Variants in AGAP1 observed in about 807,000 individuals in gnomAD.
The protein encoded by AGAP1 is arf-GAP with GTPase, ANK repeat and PH domain-containing protein 1.
AGAP1 carries 29 observed loss-of-function variants against 105.3 expected under a neutral mutation model. The observed-to-expected ratio is 0.28, with a 90% CI of 0.21 to 0.38. The LOEUF is 0.38. Ranked by LOEUF, AGAP1 falls within the 10% of genes least tolerant of loss-of-function variation. The pLI, the probability that AGAP1 is intolerant of heterozygous loss-of-function variation, is 1.00. For synonymous variants in AGAP1, 509 were observed against 485.9 expected, an observed-to-expected ratio of 1.05 and a Z score of -0.63; for missense variants, 998 against 1,165.1, an observed-to-expected ratio of 0.86 and a Z score of 2.09.
chr2:235,639,136 T>G lies in AGAP1; in HGVS notation c.164-70043T>G, dbSNP rs113999683. Among the ~76,000 whole-genome samples the G allele has an allele frequency of 9.3e-4, 141 of 151,954 alleles. No homozygotes were observed. The highest frequency in any genetic ancestry group is 3.3e-3 in the African/African-American group (138 of 41,432). On this transcript the variant is annotated intron_variant, in intron 1 of 17. Transcript: ENST00000304032. The surrounding 1 kb of genome is among the most constrained non-coding windows in gnomAD (Gnocchi z 5.3). ...AATTTGGTCAAGGCAGGAATGAGGG[T>G]GGATGTGGGGCATGGGGAATTGGAC...
Position 236,012,272 on chromosome 2 carries a change from G to A in AGAP1, c.1646-24289G>A, listed in dbSNP as rs1214219622. Among the ~76,000 whole-genome samples, 2 of 151,882 alleles carry A rather than the reference G, an allele frequency of 1.3e-5. No individual in the cohort carries two copies. Among genetic ancestry groups the A allele is most frequent in the Non-Finnish European group, 2.9e-5 (2 of 67,958 alleles). ...GCGAGGAAAGAGGCTTTCTGCACTC[G>A]GGCACCCCTCCCCTCCCGAGGGGTG... On this transcript the variant is annotated intron_variant, in intron 13 of 17. Transcript: ENST00000304032. This position sits in a 1 kb window ranked among gnomAD's most constrained non-coding sequence, Gnocchi z 4.9.
At chr2:236,065,660 G>A (rs767089960) in intron 16 of AGAP1, among the ~76,000 whole-genome samples, 2 of 152,218 alleles carry the variant, frequency 1.3e-5, no homozygotes, top group African/African-American at 2.4e-5. Context: ...TAAGGCAAGC[G>A]AGTGGGGTCC....
At chr2:236,031,280 A>G (rs578042404) in intron 13 of AGAP1, among the ~76,000 whole-genome samples, 16 of 152,344 alleles carry the variant, frequency 1.1e-4, no homozygotes, top group African/African-American at 3.1e-4. Context: ...TAAAGGCCAC[A>G]TGCAGAGGAA....
At chr2:235,718,805 G>T (rs1327434452) in intron 3 of AGAP1, among the ~76,000 whole-genome samples, 1 of 152,140 alleles carries the variant, frequency 6.6e-6, no homozygotes, top group Non-Finnish European at 1.5e-5. Flanking sequence ...TTGTATGTAG[G>T]GGTCAATAGG....
At chr2:235,526,509 T>C (rs1942844791) in intron 1 of AGAP1, among the ~76,000 whole-genome samples, 1 of 152,248 alleles carries the variant, frequency 6.6e-6, no homozygotes, top group South Asian at 2.1e-4. Flanking sequence ...AGGAAAATCA[T>C]TTGAAATTAT....
intron 9 of AGAP1, among the ~76,000 whole-genome samples, chr2:235,862,390 G>A (rs796948823): frequency 9.2e-5 from 14 of 152,338 alleles, no homozygotes; most frequent in African/African-American, 2.9e-4. Flanking sequence ...GGAAATATTT[G>A]TGCTGCTCGT....
chr2:235,791,747 CA>C (rs1956990542), intron 6 of AGAP1, among the ~76,000 whole-genome samples: 1 of 152,068 alleles, frequency 6.6e-6, no homozygotes, highest in Non-Finnish European at 1.5e-5. Context: ...AAGGTTTCAC[CA>C]TGTTGACCAG....
chr2:235,503,805 G>A (rs1162753350), intron 1 of AGAP1, among the ~76,000 whole-genome samples: 3 of 152,138 alleles, frequency 2.0e-5, no homozygotes, highest in African/African-American at 7.2e-5. Flanking sequence ...CATGTTGCCT[G>A]GGCTGGTCTT....
chr2:236,054,497 AAAG>A (rs2057997556), intron 16 of AGAP1, among the ~76,000 whole-genome samples: 2 of 151,576 alleles, frequency 1.3e-5, no homozygotes, highest in African/African-American at 2.4e-5. Context: ...AAAAAAAAAA[AAAG>A]GGAGGGGGAG....
chr2:235,883,471 C>G lies in AGAP1; in HGVS notation c.1155+22C>G. The G allele has an allele frequency of 6.3e-7, 1 of 1,587,632 alleles. No individual in the cohort carries two copies. The highest frequency in any genetic ancestry group is 8.6e-7 in the Non-Finnish European group (1 of 1,157,084). The stretch of plus-strand genomic sequence containing the variant: ...ACATGTGAGTATAGCCCCCTCGGAG[C>G]AATTAACAGCTGCAGACCTCAACTA... On this transcript the variant is annotated intron_variant, in intron 10 of 17. Transcript: ENST00000304032. The surrounding 1 kb of genome is among the most constrained non-coding windows in gnomAD (Gnocchi z 4.5).
chr2:236,043,725 G>GA (rs781763786), intron 15 of AGAP1, among the ~76,000 whole-genome samples: 10,654 of 140,536 alleles, frequency 0.076, 444 homozygotes, highest in East Asian at 0.21. Flanking sequence ...CGTCTCAAGG[G>GA]AAAAAAAAAA....
rs186408622 is a variant in AGAP1 at position 235,582,968 on chromosome 2, C to G, written c.163+88119C>G. Among the ~76,000 whole-genome samples the G allele has an allele frequency of 1.3e-5, 2 of 152,182 alleles. No homozygotes were observed. Among genetic ancestry groups the G allele is most frequent in the African/African-American group, 2.4e-5 (1 of 41,436 alleles). On this transcript the variant is annotated intron_variant, in intron 1 of 17. Coordinates refer to ENST00000304032, the MANE Select transcript of AGAP1 (RefSeq NM_001037131.3). This position sits in a 1 kb window ranked among gnomAD's most constrained non-coding sequence, Gnocchi z 4.7. ...CATTTTATGTTGTTGGGATTTGGCTCGGAACCTGCCAAGGACCCCTGTGTG... is the reference window on the plus strand; with the variant it reads ...CATTTTATGTTGTTGGGATTTGGCTGGGAACCTGCCAAGGACCCCTGTGTG...
intron 1 of AGAP1, among the ~76,000 whole-genome samples, chr2:235,512,105 ATG>A (rs201816024): frequency 4.0e-4 from 36 of 89,106 alleles, no homozygotes; most frequent in South Asian, 1.4e-3. Flanking sequence ...GTGTGTGTGA[ATG>A]TGTGTGTGTG....
rs763453305 is a variant in AGAP1 at position 236,094,508 on chromosome 2, C to T, written c.2115-25684C>T. On this transcript the variant is annotated intron_variant, in intron 16 of 17. Transcript: ENST00000304032. ...CTGCAAATACAGGCACAGACTACCACGACCATCTAGTTTTTGTATTTTTTG... is the reference window on the plus strand; with the variant it reads ...CTGCAAATACAGGCACAGACTACCATGACCATCTAGTTTTTGTATTTTTTG... Among the ~76,000 whole-genome samples the T allele has an allele frequency of 1.1e-4, 16 of 151,902 alleles. No individual in the cohort carries two copies. In the Middle Eastern group the frequency reaches 0.041, roughly 388 times the overall value.
intron 4 of AGAP1, among the ~76,000 whole-genome samples, chr2:235,742,988 G>A (rs1011126043): frequency 2.0e-5 from 3 of 152,150 alleles, no homozygotes; most frequent in Non-Finnish European, 4.4e-5. Context: ...CCAACATGGT[G>A]AAACCCCATT....
At chr2:236,021,556 C>T (rs1461106513) in intron 13 of AGAP1, among the ~76,000 whole-genome samples, 1 of 152,196 alleles carries the variant, frequency 6.6e-6, no homozygotes, top group Non-Finnish European at 1.5e-5. Flanking sequence ...CGCTTAGTAA[C>T]AAGATAAATC....
rs2052533549 is a variant in AGAP1, at chr2:235,927,956, C to T, written c.1325-2809C>T. On this transcript the variant is annotated intron_variant, in intron 11 of 17. Coordinates refer to ENST00000304032, the MANE Select transcript of AGAP1 (RefSeq NM_001037131.3). This position sits in a 1 kb window ranked among gnomAD's most constrained non-coding sequence, Gnocchi z 4.4. ...GGACAGATGGCATGCTTAATAATGA[C>T]TTGACAGGGGTCTGATTGGGCATTG... Among the ~76,000 whole-genome samples, 1 of 152,182 alleles carries T rather than the reference C, an allele frequency of 6.6e-6. No individual in the cohort carries two copies. Among genetic ancestry groups the T allele is most frequent in the African/African-American group, 2.4e-5 (1 of 41,434 alleles).
At chr2:235,929,571 G>A (rs527900135) in intron 11 of AGAP1, among the ~76,000 whole-genome samples, 1 of 152,112 alleles carries the variant, frequency 6.6e-6, no homozygotes, top group South Asian at 2.1e-4. Context: ...ATCGCTGATT[G>A]GGTGTAGGGC....
chr2:235,872,571 A>G lies in AGAP1; in HGVS notation c.1051-10774A>G, dbSNP rs2049497782. On this transcript the variant is annotated intron_variant, in intron 9 of 17. Coordinates refer to ENST00000304032, the MANE Select transcript of AGAP1 (RefSeq NM_001037131.3). This position sits in a 1 kb window ranked among gnomAD's most constrained non-coding sequence, Gnocchi z 4.5. The stretch of plus-strand genomic sequence containing the variant: ...TTCCGGCCTCTGTCATCTTCTGGCC[A>G]GTAGGATCACGGCTTCATGTCCTCT... Among the ~76,000 whole-genome samples, 1 of 152,226 alleles carries G rather than the reference A, an allele frequency of 6.6e-6. No homozygotes were observed. Among genetic ancestry groups the G allele is most frequent in the African/African-American group, 2.4e-5 (1 of 41,456 alleles).
Sources: allele counts gnomAD v4.1 joint callset (sites outside exome capture counted in the v4.1 genomes callset), GRCh38; gene constraint gnomAD v4.1.1; non-coding constraint Gnocchi (gnomAD v3.1); transcripts MANE v1.5; gene names NCBI Gene and HGNC (gene_info 2026-07-23, HGNC 2026-07-21).